ENOX1: variants seen among roughly 807,000 people sequenced by gnomAD.
ENOX1 encodes the protein candidate growth-related and time keeping constitutive hydroquinone (NADH) oxidase.
ENOX1 carries 42 observed loss-of-function variants against 82.5 expected under a neutral mutation model. The observed-to-expected ratio is 0.51, with a 90% CI of 0.40 to 0.66. The LOEUF (loss-of-function observed/expected upper bound fraction) is 0.66. ENOX1 is among the 30% of genes least tolerant of loss of function. ENOX1 has a pLI of 0.00. For synonymous variants in ENOX1, 271 were observed against 282.2 expected, an observed-to-expected ratio of 0.96 and a Z score of 0.40; for missense variants, 608 against 811.6, an observed-to-expected ratio of 0.75 and a Z score of 3.05.
intron 14 of ENOX1, among the ~76,000 whole-genome samples, chr13:43,247,866 TATATATATATA>T (rs2043202822): frequency 4.3e-4 from 1 of 2,344 alleles, no homozygotes; most frequent in African/African-American, 1.2e-3. Context: ...TATATATATA[TATATATATATA>T]TATATATTTT....
At chr13:43,583,923 G>GCACA (rs2080863331) in intron 2 of ENOX1, among the ~76,000 whole-genome samples, 1 of 151,232 alleles carries the variant, frequency 6.6e-6, no homozygotes, top group Non-Finnish European at 1.5e-5. Flanking sequence ...TGACGCACGA[G>GCACA]CACAAAAAAA....
intron 5 of ENOX1, among the ~76,000 whole-genome samples, chr13:43,375,910 A>G (rs1240879292): frequency 2.0e-5 from 3 of 152,218 alleles, no homozygotes; most frequent in Non-Finnish European, 4.4e-5. Context: ...GGAACATTCC[A>G]GATCGGTAGG....
chr13:43,608,640 C>A (rs2082070025), intron 2 of ENOX1, among the ~76,000 whole-genome samples: 1 of 152,170 alleles, frequency 6.6e-6, no homozygotes, highest in African/African-American at 2.4e-5. Flanking sequence ...TCTGCCATCT[C>A]AAATTGGGTG....
intron 13 of ENOX1, among the ~76,000 whole-genome samples, chr13:43,267,157 G>A (rs1355320001): frequency 6.6e-6 from 1 of 152,106 alleles, no homozygotes. Context: ...TGCAGCTCCA[G>A]GACAGCTGCT....
chr13:43,781,486 A>C (rs1456871016), intron 1 of ENOX1, among the ~76,000 whole-genome samples: 3 of 152,034 alleles, frequency 2.0e-5, no homozygotes, highest in African/African-American at 7.2e-5. Context: ...TACCATACAC[A>C]GTTCTCCCAA....
intron 2 of ENOX1, among the ~76,000 whole-genome samples, chr13:43,649,628 ACT>A (rs1338020694): frequency 6.6e-6 from 1 of 152,056 alleles, no homozygotes; most frequent in Non-Finnish European, 1.5e-5. Context: ...TCATATAATA[ACT>A]CTATGACCTT....
intron 14 of ENOX1, among the ~76,000 whole-genome samples, chr13:43,247,061 C>T (rs754856755): frequency 2.0e-5 from 3 of 152,206 alleles, no homozygotes; most frequent in African/African-American, 4.8e-5. Context: ...GTGGCTTGCA[C>T]CTGTAATCCC....
intron 12 of ENOX1, among the ~76,000 whole-genome samples, chr13:43,293,643 T>TA (rs1006699773): frequency 1.1e-4 from 16 of 152,050 alleles, no homozygotes; most frequent in African/African-American, 3.1e-4. Flanking sequence ...TCTCTTTCTC[T>TA]AAAAAAAACG....
At chr13:43,431,508 A>T (rs182137058) in intron 3 of ENOX1, among the ~76,000 whole-genome samples, 34 of 152,240 alleles carry the variant, frequency 2.2e-4, no homozygotes, top group Non-Finnish European at 3.8e-4. Flanking sequence ...ATCTGAGGTT[A>T]TATTACATAG....
intron 12 of ENOX1, among the ~76,000 whole-genome samples, chr13:43,292,673 T>C (rs2046065790): frequency 6.6e-6 from 1 of 152,062 alleles, no homozygotes; most frequent in South Asian, 2.1e-4. Context: ...TTTTATCTCT[T>C]TCCCTAAAGC....
At chr13:43,520,020 T>C (rs1311572708) in intron 2 of ENOX1, among the ~76,000 whole-genome samples, 1 of 152,192 alleles carries the variant, frequency 6.6e-6, no homozygotes, top group African/African-American at 2.4e-5. Context: ...CTCACTGGGC[T>C]ATACATTTCC....
chr13:43,727,996 T>C (rs1339682492), intron 1 of ENOX1, among the ~76,000 whole-genome samples: 1 of 152,212 alleles, frequency 6.6e-6, no homozygotes, highest in African/African-American at 2.4e-5. Flanking sequence ...ATAGAAAATA[T>C]GCAATAGTTT....
chr13:43,681,703 A>C lies in ENOX1; in HGVS notation c.-284-14159T>G, dbSNP rs1019487894. Among the ~76,000 whole-genome samples, 3 of 150,926 alleles carry C rather than the reference A, an allele frequency of 2.0e-5. No homozygotes were observed. In the East Asian group the frequency reaches 5.8e-4, roughly 29 times the overall value. On this transcript the variant is annotated intron_variant, in intron 1 of 16. Transcript: ENST00000690772. ...AATGCATAAACACACACACACACAC[A>C]CACACACACACACACACACACACAC...
intron 2 of ENOX1, among the ~76,000 whole-genome samples, chr13:43,613,863 G>A (rs1052109933): frequency 1.4e-4 from 21 of 152,024 alleles, no homozygotes; most frequent in Non-Finnish European, 4.4e-5. Context: ...CCCCGGAGGC[G>A]GAGGTTGCAG....
chr13:43,320,346 T>G (rs890167219), intron 11 of ENOX1, among the ~76,000 whole-genome samples: 1 of 152,214 alleles, frequency 6.6e-6, no homozygotes, highest in Non-Finnish European at 1.5e-5. Context: ...CAACATGCCC[T>G]GCACTTTGCT....
intron 1 of ENOX1, among the ~76,000 whole-genome samples, chr13:43,682,980 A>G (rs1345257542): frequency 2.6e-5 from 4 of 152,216 alleles, no homozygotes; most frequent in African/African-American, 9.6e-5. Context: ...TGGGTTTTTA[A>G]TATAACAGAA....
At chr13:43,651,740 C>T (rs1385175141) in intron 2 of ENOX1, among the ~76,000 whole-genome samples, 3 of 147,016 alleles carry the variant, frequency 2.0e-5, no homozygotes, top group South Asian at 2.2e-4. Context: ...TGGGAGGCCA[C>T]GGTGGGCAGA....
At chr13:43,692,923 T>C (rs948739066) in intron 1 of ENOX1, among the ~76,000 whole-genome samples, 1 of 152,138 alleles carries the variant, frequency 6.6e-6, no homozygotes, top group African/African-American at 2.4e-5. Flanking sequence ...TAAACATCTA[T>C]CAATGAGGTG....
chr13:43,564,659 C>G (rs750149889), intron 2 of ENOX1, among the ~76,000 whole-genome samples: 88 of 152,134 alleles, frequency 5.8e-4, no homozygotes, highest in Non-Finnish European at 1.0e-3. Flanking sequence ...ATCTCAAACT[C>G]TGTTTATTTA....
Sources: gnomAD v4.1 joint callset for allele counts (sites outside exome capture counted in the v4.1 genomes callset) on GRCh38, gnomAD v4.1.1 for gene constraint, MANE v1.5 for transcripts, NCBI Gene and HGNC (gene_info 2026-07-23, HGNC 2026-07-21) for gene names.